The following XPA variants were observed in gnomAD, a reference collection of about 807,000 sequenced individuals.
XPA encodes the protein DNA repair protein complementing XP-A cells.
XPA carries 27 observed loss-of-function variants against 35.7 expected under a neutral mutation model. The observed-to-expected ratio is 0.76, with a 90% CI of 0.56 to 1.04. XPA has a LOEUF of 1.04. Ranked by LOEUF, XPA falls within the 50% of genes least tolerant of loss-of-function variation. The pLI, the probability that XPA is intolerant of heterozygous loss-of-function variation, is 0.00. For synonymous variants in XPA, 133 were observed against 118.4 expected, an observed-to-expected ratio of 1.12 and a Z score of -0.80; for missense variants, 354 against 342.7, an observed-to-expected ratio of 1.03 and a Z score of -0.26.
chr9:97,686,865 T>C lies in XPA; in HGVS notation c.555+231A>G, dbSNP rs549593456. On this transcript the variant is annotated intron_variant, in intron 4 of 5. Coordinates refer to ENST00000375128, the MANE Select transcript of XPA (RefSeq NM_000380.4). ...CTGCAGTGAGCCATGATCTCACCAC[T>C]GCACTCCAGCCTGAGTGACAGAGTG... 4.8e-3 allele frequency among the ~76,000 whole-genome samples: 724 copies of C among 152,194 alleles called. 3 individuals carry two copies. Among genetic ancestry groups the C allele is most frequent in the Non-Finnish European group, 7.5e-3 (507 of 68,004 alleles).
chr9:97,682,102 C>T (rs1828561148), intron 5 of XPA: 1 of 367,718 alleles, frequency 2.7e-6, no homozygotes, highest in Non-Finnish European at 5.3e-6. Flanking sequence ...ACACCTTATA[C>T]TATTTAAACT....
chr9:97,655,430 A>C, the XPA span, among the ~76,000 whole-genome samples: 1 of 151,956 alleles, frequency 6.6e-6, no homozygotes, highest in Non-Finnish European at 1.5e-5. Flanking sequence ...ATCATCTTTT[A>C]TATGGAGAAA....
chr9:97,659,673 A>T, the XPA span, among the ~76,000 whole-genome samples: 6 of 152,202 alleles, frequency 3.9e-5, 1 homozygote, highest in Admixed American at 3.9e-4. Context: ...TTGGCAGATC[A>T]AAGGTTTATG....
the XPA span, among the ~76,000 whole-genome samples, chr9:97,655,110 C>T: frequency 2.5e-3 from 380 of 152,266 alleles, no homozygotes; most frequent in African/African-American, 8.3e-3. Context: ...TGTAACATTA[C>T]GTTTTTTGAT....
chr9:97,659,156 C>T, the XPA span, among the ~76,000 whole-genome samples: 2 of 152,154 alleles, frequency 1.3e-5, no homozygotes, highest in Non-Finnish European at 2.9e-5. Flanking sequence ...ATTTTCTTAC[C>T]TTTTGGTCAC....
At chr9:97,694,243 TGTG>T (rs1482262911) in intron 1 of XPA, among the ~76,000 whole-genome samples, 1 of 150,474 alleles carries the variant, frequency 6.6e-6, no homozygotes, top group Non-Finnish European at 1.5e-5. Flanking sequence ...TGGGGTGCGT[TGTG>T]TGTGTGTGCG....
At chr9:97,667,201 C>T in the XPA span, among the ~76,000 whole-genome samples, 2 of 152,118 alleles carry the variant, frequency 1.3e-5, no homozygotes, top group Admixed American at 6.5e-5. Flanking sequence ...CTGTAGGAGT[C>T]TCTGGGGGAA....
chr9:97,657,106 A>T, the XPA span, among the ~76,000 whole-genome samples: 1 of 152,150 alleles, frequency 6.6e-6, no homozygotes, highest in Non-Finnish European at 1.5e-5. Flanking sequence ...AGCTGGGACT[A>T]CAGGCGCCCG....
the XPA span, chr9:97,666,901 G>C: frequency 6.8e-7 from 1 of 1,472,470 alleles, no homozygotes; most frequent in Non-Finnish European, 9.3e-7. Flanking sequence ...AAACTTGTAA[G>C]TAGTTAAAGA....
chr9:97,692,295 GA>G (rs924969805), intron 2 of XPA, among the ~76,000 whole-genome samples: 1 of 144,528 alleles, frequency 6.9e-6, no homozygotes. Flanking sequence ...CTGTCTCAAA[GA>G]AAAAAAAAAG....
chr9:97,668,923 AGTG>A, the XPA span: 1 of 1,613,806 alleles, frequency 6.2e-7, no homozygotes, highest in Non-Finnish European at 8.5e-7. Flanking sequence ...TTCAGGAAAA[AGTG>A]GAATCTGCTC....
the XPA span, among the ~76,000 whole-genome samples, chr9:97,666,173 T>C: frequency 1.3e-5 from 2 of 152,210 alleles, no homozygotes; most frequent in African/African-American, 2.4e-5. Flanking sequence ...AAAACACTTA[T>C]GCAACAAACA....
downstream of XPA, among the ~76,000 whole-genome samples, chr9:97,673,919 AT>A (rs1828273353): frequency 6.6e-6 from 1 of 152,156 alleles, no homozygotes; most frequent in Non-Finnish European, 1.5e-5. Context: ...AGACAAATCT[AT>A]TTTCTGTAAC....
At chr9:97,668,921 A>G in the XPA span, 2 of 1,613,696 alleles carry the variant, frequency 1.2e-6, no homozygotes, top group Non-Finnish European at 1.7e-6. Flanking sequence ...ACTTCAGGAA[A>G]AAGTGGAATC....
chr9:97,656,591 T>C, the XPA span, among the ~76,000 whole-genome samples: 1 of 151,938 alleles, frequency 6.6e-6, no homozygotes, highest in East Asian at 1.9e-4. Context: ...ATGAAATGAA[T>C]TCAGATTTAT....
chr9:97,697,036 G>A, intron 1 of XPA, 85 bp downstream of exon 1: 1 of 1,442,184 alleles, frequency 6.9e-7, no homozygotes, highest in South Asian at 1.4e-5. Flanking sequence ...GCGACCCCCG[G>A]GCCCCGGGAC....
intron 4 of XPA, among the ~76,000 whole-genome samples, chr9:97,686,291 CAAAG>C (rs931065705): frequency 1.1e-4 from 17 of 152,140 alleles, no homozygotes; most frequent in Non-Finnish European, 2.5e-4. Flanking sequence ...GCTTGTGACT[CAAAG>C]AAACTGGCCT....
At chr9:97,663,078 C>T in the XPA span, 1 of 1,508,614 alleles carries the variant, frequency 6.6e-7, no homozygotes. Flanking sequence ...CATGTTGAAG[C>T]TCTGATTGTA....
intron 4 of XPA, 138 bp from the exon 5 acceptor site, chr9:97,685,178 G>T: frequency 3.8e-5 from 24 of 630,486 alleles, no homozygotes; most frequent in East Asian, 9.1e-5. Flanking sequence ...GAAATTTAAA[G>T]ATTTTAAATA....
Sources: allele counts gnomAD v4.1 joint callset (sites outside exome capture counted in the v4.1 genomes callset), GRCh38; gene constraint gnomAD v4.1.1; transcripts MANE v1.5; gene names NCBI Gene and HGNC (gene_info 2026-07-23, HGNC 2026-07-21).